Variants in SLC35F4 observed in about 807,000 individuals in gnomAD.
The protein encoded by SLC35F4 is solute carrier family 35 member F4.
A neutral mutation model predicts 44.2 loss-of-function variants in SLC35F4; 24 were observed. That is an observed-to-expected ratio of 0.54 (90% CI 0.39 to 0.76). The LOEUF (loss-of-function observed/expected upper bound fraction) is 0.76. Among genes scored for constraint, SLC35F4 ranks in the 30% least tolerant of loss-of-function variants. The pLI is 0.00. For missense variants in SLC35F4, 562 were observed against 586.1 expected (o/e 0.96, Z 0.42); for synonymous variants, 238 against 223.6 (o/e 1.06, Z -0.57).
Position 57,695,421 on chromosome 14 carries a change from C to T in SLC35F4, c.104-101297G>A, listed in dbSNP as rs374629527. ...TGCAGCCAAAAAACACATGAAAAAA[C>T]GCTCATCATCACTGGCCATCAGAGA... On this transcript the variant is annotated intron_variant, in intron 1 of 7. Coordinates refer to ENST00000556826, the MANE Select transcript of SLC35F4 (RefSeq NM_001306087.2). Among the ~76,000 whole-genome samples the T allele has an allele frequency of 8.5e-4, 128 of 151,372 alleles. 3 individuals are homozygous for T. In the East Asian group the frequency reaches 0.018, roughly 22 times the overall value.
intron 1 of SLC35F4, among the ~76,000 whole-genome samples, chr14:57,917,302 G>C (rs565685794): frequency 6.6e-6 from 1 of 152,166 alleles, no homozygotes; most frequent in South Asian, 2.1e-4. Context: ...CTTGTGATCT[G>C]CCCACCTCGG....
intron 1 of SLC35F4, chr14:57,596,724 T>C (rs2070511834): frequency 1.6e-6 from 2 of 1,257,456 alleles, no homozygotes; most frequent in Non-Finnish European, 2.2e-6. Flanking sequence ...GAGCAAGTGT[T>C]GAATGTATAA....
upstream of SLC35F4, among the ~76,000 whole-genome samples, chr14:57,870,738 C>T (rs1001552938): frequency 6.6e-6 from 1 of 152,180 alleles, no homozygotes; most frequent in Admixed American, 6.5e-5. Context: ...CTTCTCCTAG[C>T]CCTGCCCCTG....
intron 2 of SLC35F4, among the ~76,000 whole-genome samples, 195 bp from the exon 3 acceptor site, chr14:57,589,708 A>G (rs985946841): frequency 1.3e-5 from 2 of 152,268 alleles, no homozygotes; most frequent in African/African-American, 4.8e-5. Context: ...GCTCTGCACA[A>G]TACAGTAAGC....
At chr14:57,713,318 T>G (rs1386827528) in intron 1 of SLC35F4, among the ~76,000 whole-genome samples, 1 of 152,176 alleles carries the variant, frequency 6.6e-6, no homozygotes, top group Non-Finnish European at 1.5e-5. Flanking sequence ...AAACCCTTCA[T>G]TGGCTCTCCC....
chr14:57,793,804 T>C (rs2077986669), intron 1 of SLC35F4, among the ~76,000 whole-genome samples: 1 of 152,174 alleles, frequency 6.6e-6, no homozygotes, highest in Admixed American at 6.6e-5. Context: ...ATCTCCATAC[T>C]GTTTTCCATA....
chr14:57,824,670 T>C (rs897430050), intron 1 of SLC35F4, among the ~76,000 whole-genome samples: 2 of 152,030 alleles, frequency 1.3e-5, no homozygotes, highest in Admixed American at 6.6e-5. Context: ...GGAAGAGTGT[T>C]CCAGGCAGAG....
chr14:57,855,577 T>C (rs1033603548), intron 1 of SLC35F4, among the ~76,000 whole-genome samples: 8 of 152,202 alleles, frequency 5.3e-5, no homozygotes, highest in Non-Finnish European at 1.2e-4. Flanking sequence ...AGGAATGCTT[T>C]TACACTGTTA....
chr14:57,667,062 G>A (rs1566742331), intron 1 of SLC35F4, among the ~76,000 whole-genome samples: 4 of 151,596 alleles, frequency 2.6e-5, no homozygotes. Context: ...AGGCCTTCCG[G>A]GAAGAGAAGG....
intron 1 of SLC35F4, among the ~76,000 whole-genome samples, chr14:57,805,589 G>A (rs370125484): frequency 1.3e-5 from 2 of 152,108 alleles, no homozygotes; most frequent in African/African-American, 4.8e-5. Flanking sequence ...TGAACACATG[G>A]CTGGGGGAAC....
downstream of SLC35F4, among the ~76,000 whole-genome samples, chr14:57,973,336 G>A (rs1282746898): frequency 6.6e-6 from 1 of 152,208 alleles, no homozygotes; most frequent in Non-Finnish European, 1.5e-5. Flanking sequence ...AGAGAACCCA[G>A]GAGGCTGCTT....
At chr14:57,646,731 T>A (rs1201096997) in intron 1 of SLC35F4, among the ~76,000 whole-genome samples, 1 of 152,222 alleles carries the variant, frequency 6.6e-6, no homozygotes, top group Non-Finnish European at 1.5e-5. Flanking sequence ...CAAATTTAGA[T>A]CTTTCCTGCT....
At chr14:57,670,014 T>G (rs1242833515) in intron 1 of SLC35F4, among the ~76,000 whole-genome samples, 1 of 152,136 alleles carries the variant, frequency 6.6e-6, no homozygotes, top group East Asian at 1.9e-4. Flanking sequence ...CAGAGCCTGT[T>G]ATTGGTCTAT....
intron 1 of SLC35F4, among the ~76,000 whole-genome samples, chr14:57,961,951 A>G (rs1026270142): frequency 1.3e-5 from 2 of 152,182 alleles, no homozygotes; most frequent in African/African-American, 4.8e-5. Context: ...TCCTCCTGAG[A>G]GACTGAATTA....
intron 1 of SLC35F4, among the ~76,000 whole-genome samples, chr14:57,893,807 C>T (rs1181421062): frequency 6.6e-6 from 1 of 151,144 alleles, no homozygotes; most frequent in East Asian, 1.9e-4. Context: ...GGACCCTTCT[C>T]TCCATGGCAA....
At chr14:57,814,984 C>T (rs1271373876) in intron 1 of SLC35F4, among the ~76,000 whole-genome samples, 2 of 152,110 alleles carry the variant, frequency 1.3e-5, no homozygotes, top group Non-Finnish European at 2.9e-5. Context: ...CAAATCCAGC[C>T]ATTCTTCTGT....
chr14:57,904,001 A>C (rs1889062306), intron 1 of SLC35F4, among the ~76,000 whole-genome samples: 1 of 152,230 alleles, frequency 6.6e-6, no homozygotes, highest in Non-Finnish European at 1.5e-5. Flanking sequence ...CAAAGAAAAG[A>C]AAAAAAGTGC....
intron 1 of SLC35F4, among the ~76,000 whole-genome samples, chr14:57,726,084 G>C (rs2076195254): frequency 6.6e-6 from 1 of 152,132 alleles, no homozygotes; most frequent in Non-Finnish European, 1.5e-5. Context: ...TACAGTGTTG[G>C]CTGGGGTGAT....
At chr14:57,972,851 C>A (rs1269517295), downstream of SLC35F4, among the ~76,000 whole-genome samples, 3 of 152,198 alleles carry the variant, frequency 2.0e-5, no homozygotes, top group Non-Finnish European at 4.4e-5. Context: ...ATTTCCCTAC[C>A]CACCACTGTA....
Sources: allele counts gnomAD v4.1 joint callset (sites outside exome capture counted in the v4.1 genomes callset), GRCh38; gene constraint gnomAD v4.1.1; transcripts MANE v1.5; gene names NCBI Gene and HGNC (gene_info 2026-07-23, HGNC 2026-07-21).